Variants in FBXL13 observed in about 807,000 individuals in gnomAD.
The protein encoded by FBXL13 is F-box and leucine rich repeat protein 13.
Under a neutral mutation model 83.6 loss-of-function variants are expected in FBXL13, and 67 were observed. The observed-to-expected ratio is 0.80, with a 90% CI of 0.66 to 0.98. The LOEUF is 0.98. Ranked by LOEUF, FBXL13 falls within the 50% of genes least tolerant of loss-of-function variation. The pLI is 0.00. For missense variants in FBXL13, 822 were observed against 866.5 expected (o/e 0.95, Z 0.64); for synonymous variants, 272 against 299.5 (o/e 0.91, Z 0.95).
chr7:102,926,983 G>A (rs1306994371), intron 9 of FBXL13, among the ~76,000 whole-genome samples: 4 of 152,210 alleles, frequency 2.6e-5, no homozygotes, highest in Non-Finnish European at 4.4e-5. Flanking sequence ...GAGATTCAAT[G>A]CTGGGAGTAG....
chr7:103,023,785 A>G (rs1793504879), intron 6 of FBXL13, among the ~76,000 whole-genome samples: 1 of 152,206 alleles, frequency 6.6e-6, no homozygotes, highest in Non-Finnish European at 1.5e-5. Context: ...TTGAAATACT[A>G]TGCAGCCATA....
chr7:102,928,679 A>G (rs922971343), intron 9 of FBXL13, among the ~76,000 whole-genome samples: 1 of 152,230 alleles, frequency 6.6e-6, no homozygotes, highest in Non-Finnish European at 1.5e-5. Context: ...GAACTGAAAA[A>G]TGATTAGTTT....
chr7:103,049,828 C>A (rs1364783832), intron 2 of FBXL13, among the ~76,000 whole-genome samples: 1 of 152,182 alleles, frequency 6.6e-6, no homozygotes, highest in Non-Finnish European at 1.5e-5. Context: ...GGTAACCTCA[C>A]AGGTGCTCTG....
chr7:102,833,682 C>T lies in FBXL13; in HGVS notation c.1720-708G>A, dbSNP rs188055012. ...CCTGACCTCAAGTGATCCACCCTCC[C>T]AAAGTGCTGGGATTATAGGCATGAG... is the stretch of plus-strand genomic sequence containing the variant. On this transcript the variant is annotated intron_variant, in intron 17 of 19. Coordinates refer to ENST00000313221, the Ensembl canonical transcript of FBXL13. 2.3e-3 allele frequency among the ~76,000 whole-genome samples: 344 copies of T among 151,704 alleles called. 2 individuals are homozygous for T. Among genetic ancestry groups the T allele is most frequent in the African/African-American group, 7.9e-3 (326 of 41,378 alleles).
intron 6 of FBXL13, among the ~76,000 whole-genome samples, chr7:102,996,460 C>A (rs1317442154): frequency 6.6e-6 from 1 of 152,192 alleles, no homozygotes; most frequent in African/African-American, 2.4e-5. Context: ...CTTTTTACTG[C>A]AACCTAAACA....
At chr7:102,932,912 G>A (rs1277660906) in intron 8 of FBXL13, 1 of 152,200 alleles carries the variant, frequency 6.6e-6, no homozygotes, top group Non-Finnish European at 1.5e-5. Flanking sequence ...TTATTTGAGA[G>A]TAATTCATCA....
At chr7:102,904,068 G>A (rs1162440108) in intron 11 of FBXL13, among the ~76,000 whole-genome samples, 1 of 149,660 alleles carries the variant, frequency 6.7e-6, no homozygotes, top group African/African-American at 2.5e-5. Context: ...GAGTAGGATT[G>A]GTATTAGTTC....
At chr7:102,973,406 T>C in intron 6 of FBXL13, 1 of 698,008 alleles carries the variant, frequency 1.4e-6, no homozygotes, top group Non-Finnish European at 2.6e-6. Flanking sequence ...ACAGGCCATC[T>C]GGGTACCACA....
At chr7:102,933,652 TTTCTACGTCACTG>T in intron 8 of FBXL13, 1 of 250,140 alleles carries the variant, frequency 4.0e-6, no homozygotes, top group East Asian at 8.1e-5. Flanking sequence ...GGGAAGGAGC[TTTCTACGTCACTG>T]TTCTGTGGAA....
chr7:102,861,200 C>T (rs909042261), intron 16 of FBXL13, among the ~76,000 whole-genome samples: 1 of 151,990 alleles, frequency 6.6e-6, no homozygotes, highest in African/African-American at 2.4e-5. Flanking sequence ...AACAGTAATA[C>T]TGTAATATCT....
At chr7:102,842,130 G>T (rs999727131) in intron 17 of FBXL13, among the ~76,000 whole-genome samples, 2 of 152,304 alleles carry the variant, frequency 1.3e-5, no homozygotes, top group Non-Finnish European at 2.9e-5. Flanking sequence ...AGAGACAAAA[G>T]ATCCAAATGT....
intron 11 of FBXL13, among the ~76,000 whole-genome samples, chr7:102,911,611 G>A (rs1356890067): frequency 6.6e-6 from 1 of 152,188 alleles, no homozygotes; most frequent in African/African-American, 2.4e-5. Context: ...CCTTGAGGAA[G>A]ACTTTCCTGA....
intron 8 of FBXL13, chr7:102,933,787 C>A (rs1340365639): frequency 2.0e-6 from 2 of 981,252 alleles, no homozygotes; most frequent in South Asian, 3.6e-5. Flanking sequence ...AGGGACTCCA[C>A]GTACCCCAGC....
chr7:102,925,594 A>AG (rs1400584269), intron 10 of FBXL13, among the ~76,000 whole-genome samples: 1 of 152,150 alleles, frequency 6.6e-6, no homozygotes, highest in Non-Finnish European at 1.5e-5. Flanking sequence ...GCATGGGAAC[A>AG]GGGATCTGGG....
At chr7:103,031,601 C>T (rs970127273) in intron 2 of FBXL13, among the ~76,000 whole-genome samples, 5 of 152,126 alleles carry the variant, frequency 3.3e-5, no homozygotes, top group African/African-American at 9.7e-5. Context: ...GCTGCTATCC[C>T]CAGACACCCG....
In FBXL13 at chr7:103,013,354, C is replaced by T. The variant is rs962851600; in HGVS notation, c.495+11709G>A. Among the ~76,000 whole-genome samples, 5 of 152,256 alleles carry T rather than the reference C, an allele frequency of 3.3e-5. No individual in the cohort carries two copies. In the East Asian group the frequency reaches 9.6e-4, roughly 29 times the overall value. On this transcript the variant is annotated intron_variant, in intron 6 of 19. Coordinates refer to ENST00000313221, the Ensembl canonical transcript of FBXL13. The stretch of plus-strand genomic sequence containing the variant: ...ATACATTCTTCACATCTGCACATGG[C>T]CCATACTCTAAAATCAACCACACAT...
chr7:102,903,676 G>A (rs974499414), intron 11 of FBXL13, among the ~76,000 whole-genome samples: 1 of 151,636 alleles, frequency 6.6e-6, no homozygotes, highest in Non-Finnish European at 1.5e-5. Context: ...ATAATGCTAC[G>A]TTGAGATGTT....
chr7:103,045,151 C>T (rs115523217), intron 2 of FBXL13, among the ~76,000 whole-genome samples: 1 of 152,220 alleles, frequency 6.6e-6, no homozygotes, highest in African/African-American at 2.4e-5. Context: ...GTGAGGTACA[C>T]AACAGCTGGA....
chr7:102,845,552 G>C (rs1459595906), intron 17 of FBXL13, among the ~76,000 whole-genome samples: 2 of 152,202 alleles, frequency 1.3e-5, no homozygotes, highest in African/African-American at 4.8e-5. Context: ...ATTCCTGGCA[G>C]CCAAGTCAGA....
Sources: allele counts gnomAD v4.1 joint callset (sites outside exome capture counted in the v4.1 genomes callset), GRCh38; gene constraint gnomAD v4.1.1; transcripts MANE v1.5; gene names NCBI Gene and HGNC (gene_info 2026-07-23, HGNC 2026-07-21).